Variants in HUWE1 observed in about 807,000 individuals in gnomAD.
HUWE1 encodes the protein HECT, UBA and WWE domain containing E3 ubiquitin protein ligase 1, also known as E3 ubiquitin-protein ligase HUWE1.
A neutral mutation model predicts 299.4 loss-of-function variants in HUWE1; 18 were observed. The observed-to-expected ratio is 0.06, with a 90% CI of 0.04 to 0.09. The LOEUF (loss-of-function observed/expected upper bound fraction) is 0.09, where lower values mean the gene tolerates loss of function less well. Ranked by LOEUF, HUWE1 falls within the 10% of genes least tolerant of loss-of-function variation. The probability of loss-of-function intolerance (pLI) is 1.00; values close to 1 mark genes in which losing one functional copy is unlikely to be tolerated. For missense variants in HUWE1, 1,832 were observed against 3,462.3 expected, an observed-to-expected ratio of 0.53 and a Z score of 11.82; for synonymous variants, 1,317 against 1,286.1, an observed-to-expected ratio of 1.02 and a Z score of -0.51.
Position 53,627,413 on chromosome X carries a change from C to A in HUWE1, c.1486G>T (p.Asp496Tyr). 9.1e-7 allele frequency: 1 copy of A among 1,095,071 alleles called. No individual in the cohort carries two copies. Among genetic ancestry groups the A allele is most frequent in the Non-Finnish European group, 1.3e-6 (1 of 789,899 alleles). The allele number at this position is 1,095,071 out of a possible 1,213,427, so 90.2% of individuals were successfully genotyped here. The part of the protein sequence containing the change: ...QEGEEMETDM[D>Y]GVQCIPQRAA... ...TGACTTAATAACTGTTAATTACCATCCATATCAGTTTCCATTTCCTCTCCT... is the reference window on the plus strand; with the variant it reads ...TGACTTAATAACTGTTAATTACCATACATATCAGTTTCCATTTCCTCTCCT... Residue 496 changes from aspartate to tyrosine, a missense_variant, in exon 17 of 84, where the codon GAT becomes TAT. Around this residue, in one of 15 missense-constraint regions of HUWE1, gnomAD observed 658 missense variants for 1,282.6 expected, o/e 0.51. Transcript: ENST00000262854.
Position 53,608,914 on chromosome X carries a change from T to A in HUWE1, c.2262-5A>T, listed in dbSNP as rs782375128. The stretch of plus-strand genomic sequence containing the variant: ...CGTTCCTCTGTACCAACAACCCTGT[T>A]AGGGGAGAAAAGAGTGAGTTACACA... On this transcript the variant is annotated splice_region_variant and splice_polypyrimidine_tract_variant and intron_variant, in intron 23 of 83. Coordinates refer to ENST00000262854, the MANE Select transcript of HUWE1 (RefSeq NM_031407.7). 1.8e-6 allele frequency: 2 copies of A among 1,103,062 alleles called. No homozygotes were observed. The highest frequency in any genetic ancestry group is 1.3e-6 in the Non-Finnish European group (1 of 796,196). 90.9% of individuals were successfully genotyped at this position (1,103,062 alleles called of 1,213,427 possible).
At chrX:53,637,838 A>G (rs2067312357) in intron 7 of HUWE1, among the ~76,000 whole-genome samples, 1 of 112,064 alleles carries the variant, frequency 8.9e-6, no homozygotes. Flanking sequence ...TGTTGCATAC[A>G]TAAAACACCA....
chrX:53,621,545 G>A (rs1557012351), intron 19 of HUWE1, among the ~76,000 whole-genome samples: 1 of 104,826 alleles, frequency 9.5e-6, no homozygotes, highest in Non-Finnish European at 1.9e-5. Flanking sequence ...CAGCCTTGAC[G>A]CTAACACCCT....
chrX:53,602,528 G>C, intron 28 of HUWE1, 36 bp downstream of exon 28: 1 of 810,516 alleles, frequency 1.2e-6, no homozygotes, highest in Non-Finnish European at 1.9e-6. Context: ...ACAAAACTTA[G>C]AAGTAATGAC....
chrX:53,574,292 T>G (rs2062989622), intron 46 of HUWE1, among the ~76,000 whole-genome samples: 1 of 112,538 alleles, frequency 8.9e-6, no homozygotes, highest in African/African-American at 3.2e-5. Flanking sequence ...TGGCACACTT[T>G]TATCTAGTTC....
intron 81 of HUWE1, 50 bp from the exon 82 acceptor site, chrX:53,534,747 A>G (rs1556910391): frequency 9.2e-7 from 1 of 1,087,799 alleles, no homozygotes; most frequent in Non-Finnish European, 1.3e-6. Flanking sequence ...ACACAACCGT[A>G]GAGGTCAGAG....
At chrX:53,628,386 T>A in intron 15 of HUWE1, 107 bp downstream of exon 15, 1 of 857,045 alleles carries the variant, frequency 1.2e-6, no homozygotes. Context: ...TGGATAAGCT[T>A]TCTTATATTA....
intron 7 of HUWE1, among the ~76,000 whole-genome samples, chrX:53,636,756 T>C (rs1331170385): frequency 8.9e-6 from 1 of 111,973 alleles, no homozygotes; most frequent in Non-Finnish European, 1.9e-5. Context: ...TATGGCCAAA[T>C]AGTCACGTAT....
chrX:53,623,867 A>G (rs782496520), intron 19 of HUWE1, among the ~76,000 whole-genome samples: 18 of 112,283 alleles, frequency 1.6e-4, no homozygotes, highest in Non-Finnish European at 3.2e-4. Context: ...CCAACACCCC[A>G]AACTGTAAAA....
At position 53,544,773 on chromosome X, in the gene HUWE1, T is replaced by C. The variant is rs782243795; in HGVS notation, c.11049-11A>G. On this transcript the variant is annotated splice_polypyrimidine_tract_variant and intron_variant, in intron 71 of 83. Transcript: ENST00000262854. Reference sequence around the variant, plus strand: ...TCAGCCATGTCAAACCTGGATAGTGTAGAGGTGGCTTGCGTATATTGACAG... The same window carrying C: ...TCAGCCATGTCAAACCTGGATAGTGCAGAGGTGGCTTGCGTATATTGACAG... The C allele has an allele frequency of 9.4e-6, 11 of 1,170,388 alleles. No homozygotes were observed. Among genetic ancestry groups the C allele is most frequent in the Non-Finnish European group, 1.3e-5 (11 of 865,208 alleles).
chrX:53,593,705 C>G (rs1556981736), intron 31 of HUWE1, 104 bp from the exon 32 acceptor site: 1 of 581,565 alleles, frequency 1.7e-6, no homozygotes, highest in Non-Finnish European at 2.9e-6. Flanking sequence ...CCTACACGTC[C>G]CTCTTCTTAG....
rs1045935059 is a variant in HUWE1 at position 53,549,192 on chromosome X, G to A, written c.9802C>T (p.Pro3268Ser). 7.4e-6 allele frequency: 9 copies of A among 1,210,638 alleles called. No individual in the cohort carries two copies. In the Admixed American group the frequency reaches 2.0e-4, roughly 26 times the overall value. ...SCGSSSHENR[P>S]LDLLHKMESK... Reference sequence around the variant, plus strand: ...TCCATCTTGTGTAGCAGGTCCAGGGGACGGTTCTCATGGCTACTTGACCCA... The same window carrying A: ...TCCATCTTGTGTAGCAGGTCCAGGGAACGGTTCTCATGGCTACTTGACCCA... Residue 3268 changes from proline (P) to serine (S), a missense_variant, in exon 67 of 84, where the codon CCC (proline) becomes TCC (serine). Coordinates refer to ENST00000262854, the MANE Select transcript of HUWE1 (RefSeq NM_031407.7).
At chrX:53,644,155 C>T (rs1010855743) in intron 7 of HUWE1, among the ~76,000 whole-genome samples, 11 of 112,402 alleles carry the variant, frequency 9.8e-5, no homozygotes, top group African/African-American at 2.9e-4. Context: ...GTATTCTTCG[C>T]TTCTTTCTTT....
intron 44 of HUWE1, 78 bp from the exon 45 acceptor site, chrX:53,575,866 G>C: frequency 9.7e-7 from 1 of 1,033,182 alleles, no homozygotes; most frequent in Non-Finnish European, 1.3e-6. Flanking sequence ...TATCTAGTCA[G>C]TCTTGGTCAA....
chrX:53,638,053 A>C, intron 7 of HUWE1, among the ~76,000 whole-genome samples: 1 of 111,814 alleles, frequency 8.9e-6, no homozygotes. Flanking sequence ...AACGAACATG[A>C]CCATGCTCAA....
chrX:53,682,447 A>C (rs2070213429), intron 2 of HUWE1, among the ~76,000 whole-genome samples: 1 of 111,625 alleles, frequency 9.0e-6, no homozygotes, highest in East Asian at 2.8e-4. Flanking sequence ...AATGCTGAAC[A>C]TGTAATCTAC....
chrX:53,645,739 ATATATATATATATAT>A (rs2067977289), intron 6 of HUWE1, among the ~76,000 whole-genome samples: 2 of 19,937 alleles, frequency 1.0e-4, no homozygotes, highest in East Asian at 2.1e-3. Flanking sequence ...AAAAAAAAAT[ATATATATATATATAT>A]ATATATATAT....
chrX:53,545,006 G>C (rs1384969596), intron 71 of HUWE1, 23 bp downstream of exon 71: 3 of 1,203,148 alleles, frequency 2.5e-6, no homozygotes, highest in Non-Finnish European at 2.2e-6. Context: ...CAAGCCCCCA[G>C]CCAAAGGGTG....
In HUWE1 at chrX:53,583,689, C is replaced by T. The variant is rs1556970194; in HGVS notation, c.5389G>A (p.Glu1797Lys). The T allele has an allele frequency of 1.7e-6, 2 of 1,210,990 alleles. No individual in the cohort carries two copies. Among genetic ancestry groups the T allele is most frequent in the East Asian group, 3.0e-5 (1 of 33,850 alleles). Residue 1797 changes from glutamate to lysine, a missense_variant, in exon 42 of 84, where the codon GAA becomes AAA. By Grantham distance (56) the Glu-to-Lys change is moderately conservative. This residue lies in a region of HUWE1 where 50 missense variants were observed against 114.9 expected (regional missense o/e 0.44). Coordinates refer to ENST00000262854, the MANE Select transcript of HUWE1 (RefSeq NM_031407.7). ...RDHKYAMMFA[E>K]LKSTRMILNL... ...AAGATCATGCGGGTACTCTTCAGTT[C>T]TGCAAACATCATGGCATATTTGTGG...
Sources: gnomAD v4.1 joint callset for allele counts (sites outside exome capture counted in the v4.1 genomes callset) on GRCh38, gnomAD v4.1.1 for gene constraint, gnomAD v4.1.1 regional missense constraint, MANE v1.5 for transcripts, NCBI Gene and HGNC (gene_info 2026-07-23, HGNC 2026-07-21) for gene names.